The following EBF1 variants were observed in gnomAD, a reference collection of about 807,000 sequenced individuals.
EBF1 encodes the protein EBF transcription factor 1.
Under a neutral mutation model 68.4 loss-of-function variants are expected in EBF1, and 10 were observed. The observed-to-expected ratio is 0.15, with a 90% CI of 0.09 to 0.25. EBF1 has a LOEUF of 0.25. EBF1 is among the 10% of genes least tolerant of loss of function. The pLI, the probability that EBF1 is intolerant of heterozygous loss-of-function variation, is 1.00. For synonymous variants in EBF1, 298 were observed against 299.8 expected, an observed-to-expected ratio of 0.99 and a Z score of 0.06; for missense variants, 509 against 794.4, an observed-to-expected ratio of 0.64 and a Z score of 4.32.
intron 6 of EBF1, among the ~76,000 whole-genome samples, chr5:158,918,617 C>G (rs1807718658): frequency 6.6e-6 from 1 of 152,164 alleles, no homozygotes; most frequent in Non-Finnish European, 1.5e-5. Flanking sequence ...TATAGTTAAG[C>G]CACTTTATGA....
chr5:159,085,472 A>C (rs1780461988), intron 4 of EBF1, among the ~76,000 whole-genome samples: 1 of 152,194 alleles, frequency 6.6e-6, no homozygotes, highest in Non-Finnish European at 1.5e-5. Context: ...ATTTTTTGTA[A>C]TGTGTTTGTA....
intron 7 of EBF1, among the ~76,000 whole-genome samples, chr5:158,839,089 C>T (rs996336098): frequency 4.6e-5 from 7 of 152,308 alleles, no homozygotes; most frequent in Admixed American, 3.3e-4. Flanking sequence ...GACTCAACAA[C>T]CTTTTCTAAA....
chr5:158,708,073 T>C lies in EBF1; in HGVS notation c.1650A>G (p.Ser550=), dbSNP rs1758288814. The C allele has an allele frequency of 6.4e-7, 1 of 1,570,762 alleles. No homozygotes were observed. ...CGAAAGCACTCTTCTGTTTCACGGC[T>C]GAGACCATGTTGGCTGGTGAGAAGG... ...IFSFSPANMV[S]AVKQKSAFAP... is the part of the protein sequence containing the mutation. Residue 550 remains serine (S), a synonymous_variant, in exon 15 of 16, where the codon TCA becomes TCG. Transcript: ENST00000313708.
chr5:158,704,972 C>T (rs570703365), intron 15 of EBF1, among the ~76,000 whole-genome samples: 5 of 152,266 alleles, frequency 3.3e-5, no homozygotes, highest in African/African-American at 7.2e-5. Context: ...TATGACAGTA[C>T]GAGCAAACCA....
At chr5:159,095,488 G>A (rs1008605763) in intron 4 of EBF1, 132 bp downstream of exon 4, 22 of 992,366 alleles carry the variant, frequency 2.2e-5, no homozygotes, top group Non-Finnish European at 2.8e-5. Flanking sequence ...GGCCGTGCAA[G>A]TTTGGTCTGA....
At chr5:158,779,233 C>T (rs191298833) in intron 9 of EBF1, among the ~76,000 whole-genome samples, 2 of 148,330 alleles carry the variant, frequency 1.3e-5, no homozygotes, top group Non-Finnish European at 3.0e-5. Flanking sequence ...TATTTTTATC[C>T]TTTTTTTTTT....
chr5:158,871,813 A>G (rs758936876), intron 6 of EBF1, among the ~76,000 whole-genome samples: 1 of 152,200 alleles, frequency 6.6e-6, no homozygotes, highest in African/African-American at 2.4e-5. Flanking sequence ...ACCTAGCCTT[A>G]CGATCCAGGA....
intron 7 of EBF1, among the ~76,000 whole-genome samples, chr5:158,826,435 G>T (rs60172775): frequency 0.19 from 28,402 of 152,134 alleles, 2,918 homozygotes; most frequent in Non-Finnish European, 0.23. Context: ...CATTGGACAC[G>T]GTGAACAGGG....
chr5:158,966,369 C>T (rs1754101075), intron 6 of EBF1, among the ~76,000 whole-genome samples: 1 of 152,078 alleles, frequency 6.6e-6, no homozygotes, highest in African/African-American at 2.4e-5. Context: ...AAAGTCCTTC[C>T]AATTTGATGA....
intron 5 of EBF1, among the ~76,000 whole-genome samples, chr5:159,081,353 C>G (rs967542681): frequency 1.3e-5 from 2 of 152,182 alleles, no homozygotes; most frequent in African/African-American, 4.8e-5. Flanking sequence ...TTGTTCATCT[C>G]TTATTATGTC....
chr5:158,814,714 C>A (rs1313502295), intron 8 of EBF1, among the ~76,000 whole-genome samples: 2 of 152,130 alleles, frequency 1.3e-5, no homozygotes, highest in African/African-American at 4.8e-5. Flanking sequence ...TGCCAGAGAG[C>A]CCATATGGTC....
intron 6 of EBF1, among the ~76,000 whole-genome samples, chr5:158,912,728 G>A (rs1256837513): frequency 2.0e-5 from 3 of 152,088 alleles, no homozygotes; most frequent in African/African-American, 4.8e-5. Context: ...GCTCAGAGAG[G>A]TTAGTTCCCT....
intron 6 of EBF1, among the ~76,000 whole-genome samples, chr5:159,069,341 C>T (rs1777413774): frequency 6.6e-6 from 1 of 151,960 alleles, no homozygotes; most frequent in African/African-American, 2.4e-5. Flanking sequence ...AACAAACAAA[C>T]AAACAAACAT....
At chr5:158,925,630 G>A (rs1809538999) in intron 6 of EBF1, among the ~76,000 whole-genome samples, 1 of 152,220 alleles carries the variant, frequency 6.6e-6, no homozygotes, top group Non-Finnish European at 1.5e-5. Flanking sequence ...CTTGGGAATT[G>A]TAGCCATGCA....
intron 6 of EBF1, among the ~76,000 whole-genome samples, chr5:158,899,639 A>T (rs1469611135): frequency 1.3e-5 from 2 of 152,206 alleles, no homozygotes; most frequent in African/African-American, 4.8e-5. Context: ...GTAACGACCA[A>T]TGCAATTGGT....
chr5:158,758,168 A>G (rs2127607168), intron 10 of EBF1, among the ~76,000 whole-genome samples: 1 of 152,312 alleles, frequency 6.6e-6, no homozygotes, highest in South Asian at 2.1e-4. Context: ...TTAAATGATA[A>G]TGTAATCTCT....
At chr5:158,989,904 G>A (rs78856929) in intron 6 of EBF1, among the ~76,000 whole-genome samples, 235 of 152,262 alleles carry the variant, frequency 1.5e-3, no homozygotes, top group Non-Finnish European at 2.1e-3. Context: ...TAGATGGTAC[G>A]GCCCTTCAGG....
chr5:158,874,391 A>G (rs907721055), intron 6 of EBF1, among the ~76,000 whole-genome samples: 10 of 152,216 alleles, frequency 6.6e-5, no homozygotes, highest in African/African-American at 1.9e-4. Context: ...AGAAAAGGGA[A>G]AGGAGAATTA....
intron 6 of EBF1, among the ~76,000 whole-genome samples, chr5:158,976,152 A>C (rs1490976257): frequency 6.6e-6 from 1 of 152,226 alleles, no homozygotes; most frequent in Admixed American, 6.5e-5. Context: ...CTAGCCATTC[A>C]TACATAGCAA....
Sources: gnomAD v4.1 joint callset for allele counts (sites outside exome capture counted in the v4.1 genomes callset) on GRCh38, gnomAD v4.1.1 for gene constraint, MANE v1.5 for transcripts, NCBI Gene and HGNC (gene_info 2026-07-23, HGNC 2026-07-21) for gene names.